Variants in TENM2 observed in about 807,000 individuals in gnomAD.
TENM2 encodes the protein teneurin transmembrane protein 2.
A neutral mutation model predicts 245.2 loss-of-function variants in TENM2; 52 were observed. That is an observed-to-expected ratio of 0.21 (90% CI 0.17 to 0.27). The LOEUF is 0.27. Ranked by LOEUF, TENM2 falls within the 10% of genes least tolerant of loss-of-function variation. The pLI, the probability that TENM2 is intolerant of heterozygous loss-of-function variation, is 1.00. For synonymous variants in TENM2, 1,363 were observed against 1,438.9 expected, an observed-to-expected ratio of 0.95 and a Z score of 1.19; for missense variants, 3,046 against 3,666.8, an observed-to-expected ratio of 0.83 and a Z score of 4.37.
the TENM2 span, among the ~76,000 whole-genome samples, chr5:167,101,706 C>T: frequency 6.6e-6 from 1 of 151,362 alleles, no homozygotes; most frequent in South Asian, 2.1e-4. Context: ...AACCCCAGGC[C>T]ACATGTAGAG....
intron 2 of TENM2, among the ~76,000 whole-genome samples, chr5:167,600,263 T>A (rs975999470): frequency 1.3e-5 from 2 of 151,920 alleles, no homozygotes; most frequent in Non-Finnish European, 2.9e-5. Context: ...ATTGGATTTT[T>A]ACATTAAAAA....
chr5:167,153,035 C>T, the TENM2 span, among the ~76,000 whole-genome samples: 1 of 151,814 alleles, frequency 6.6e-6, no homozygotes, highest in East Asian at 1.9e-4. Context: ...TATTTGGTGA[C>T]TTATACTACT....
intron 2 of TENM2, among the ~76,000 whole-genome samples, chr5:167,724,365 A>C (rs1759846000): frequency 6.6e-6 from 1 of 152,032 alleles, no homozygotes; most frequent in African/African-American, 2.4e-5. Flanking sequence ...CTTCATGTAT[A>C]AAACAGGGTT....
At chr5:167,017,557 A>G in the TENM2 span, among the ~76,000 whole-genome samples, 2 of 152,222 alleles carry the variant, frequency 1.3e-5, no homozygotes, top group Non-Finnish European at 2.9e-5. Context: ...CATGGGCTCT[A>G]GCTTGCCATC....
intron 1 of TENM2, among the ~76,000 whole-genome samples, chr5:167,324,428 G>A (rs1325863671): frequency 1.3e-5 from 2 of 152,110 alleles, no homozygotes; most frequent in Admixed American, 6.5e-5. Flanking sequence ...AAGATGGATA[G>A]GTAATTTTTT....
At chr5:168,112,140 C>G (rs957638555) in intron 9 of TENM2, among the ~76,000 whole-genome samples, 16 of 152,206 alleles carry the variant, frequency 1.1e-4, no homozygotes, top group African/African-American at 3.6e-4. Context: ...TATCTCCCTC[C>G]CAGGAAAATA....
At chr5:167,634,520 T>A (rs1397561035) in intron 2 of TENM2, among the ~76,000 whole-genome samples, 3 of 149,266 alleles carry the variant, frequency 2.0e-5, no homozygotes, top group Non-Finnish European at 4.4e-5. Context: ...AAAAGTTAAA[T>A]GACTCAATCA....
chr5:168,263,486 A>G (rs1007173158), downstream of TENM2: 1 of 151,886 alleles, frequency 6.6e-6, no homozygotes, highest in Non-Finnish European at 1.5e-5. Context: ...CTTTTTAAAG[A>G]AAAAAAAACA....
chr5:168,085,130 G>A (rs1214744011), intron 7 of TENM2, among the ~76,000 whole-genome samples: 1 of 152,234 alleles, frequency 6.6e-6, no homozygotes, highest in Non-Finnish European at 1.5e-5. Context: ...CTTCTGAGAT[G>A]AGACTAGGGT....
At chr5:167,121,897 TG>T in the TENM2 span, among the ~76,000 whole-genome samples, 3 of 152,152 alleles carry the variant, frequency 2.0e-5, no homozygotes, top group African/African-American at 7.2e-5. Flanking sequence ...ATTGATACAA[TG>T]GGGAACACAG....
the TENM2 span, among the ~76,000 whole-genome samples, chr5:167,083,140 T>C: frequency 2.6e-5 from 4 of 152,088 alleles, no homozygotes; most frequent in African/African-American, 7.2e-5. Flanking sequence ...TAGAAAGCAG[T>C]GCAAATGTGT....
At chr5:167,707,967 C>T (rs896156317) in intron 2 of TENM2, among the ~76,000 whole-genome samples, 2 of 152,128 alleles carry the variant, frequency 1.3e-5, no homozygotes, top group African/African-American at 4.8e-5. Flanking sequence ...GTGTGGTGCT[C>T]GGAGTTTTCT....
At chr5:167,520,760 A>G (rs1358672272) in intron 2 of TENM2, among the ~76,000 whole-genome samples, 3 of 151,158 alleles carry the variant, frequency 2.0e-5, no homozygotes, top group African/African-American at 4.9e-5. Flanking sequence ...CTTCCTCCCT[A>G]TTCCTGCTTC....
chr5:167,946,815 T>C (rs545682784), intron 3 of TENM2, among the ~76,000 whole-genome samples: 1 of 152,314 alleles, frequency 6.6e-6, no homozygotes, highest in South Asian at 2.1e-4. Flanking sequence ...ACCTGTCTCC[T>C]AGGAGTAAGT....
Position 167,649,735 on chromosome 5 carries a change from C to A in TENM2, c.503-226251C>A, listed in dbSNP as rs192129225. 7.4e-4 allele frequency among the ~76,000 whole-genome samples: 113 copies of A among 152,224 alleles called. 1 individual carries two copies. In the East Asian group the frequency reaches 0.019, roughly 25 times the overall value. On this transcript the variant is annotated intron_variant, in intron 2 of 28. Coordinates refer to ENST00000518659, the Ensembl canonical transcript of TENM2. ...GTCATCATTGTGTGCCTTGAGGGTG[C>A]TAACAATGTATTAGGTATCTAAGCA...
At chr5:167,096,129 A>G in the TENM2 span, among the ~76,000 whole-genome samples, 1 of 152,106 alleles carries the variant, frequency 6.6e-6, no homozygotes, top group Non-Finnish European at 1.5e-5. Flanking sequence ...ATTTAATTGG[A>G]AAATAGTAAT....
intron 9 of TENM2, among the ~76,000 whole-genome samples, chr5:168,102,653 G>A (rs1793915418): frequency 6.6e-6 from 1 of 152,130 alleles, no homozygotes; most frequent in Admixed American, 6.5e-5. Flanking sequence ...CCACACCTGT[G>A]GGATGAAATG....
chr5:167,949,648 A>C (rs553948035), intron 3 of TENM2, among the ~76,000 whole-genome samples: 1 of 152,294 alleles, frequency 6.6e-6, no homozygotes, highest in East Asian at 1.9e-4. Flanking sequence ...GAGTAAGCTG[A>C]GAATGAAAGA....
At chr5:167,249,525 T>C in the TENM2 span, among the ~76,000 whole-genome samples, 1 of 152,200 alleles carries the variant, frequency 6.6e-6, no homozygotes, top group Admixed American at 6.6e-5. Flanking sequence ...CAAGTATTTT[T>C]ATCCACCTAC....
Sources: gnomAD v4.1 joint callset for allele counts (sites outside exome capture counted in the v4.1 genomes callset) on GRCh38, gnomAD v4.1.1 for gene constraint, MANE v1.5 for transcripts, NCBI Gene and HGNC (gene_info 2026-07-23, HGNC 2026-07-21) for gene names.